Variants in CPA6 observed in about 807,000 individuals in gnomAD.
The protein encoded by CPA6 is carboxypeptidase B.
In CPA6, 58 loss-of-function variants were observed where a neutral mutation model predicts 63.3. The ratio of observed to expected loss-of-function variants is 0.92; its 90% CI spans 0.74 to 1.14. CPA6 has a LOEUF of 1.14. CPA6 is among the 50% of genes most tolerant of loss of function. The probability of loss-of-function intolerance (pLI) is 0.00; values close to 1 mark genes in which losing one functional copy is unlikely to be tolerated. For synonymous variants in CPA6, 185 were observed against 179.0 expected (o/e 1.03, Z -0.27); for missense variants, 565 against 526.6 (o/e 1.07, Z -0.71).
At chr8:67,567,339 C>A (rs1813362386) in intron 2 of CPA6, among the ~76,000 whole-genome samples, 1 of 152,170 alleles carries the variant, frequency 6.6e-6, no homozygotes, top group South Asian at 2.1e-4. Flanking sequence ...CAAAAGCAAT[C>A]AAATGCATTT....
intron 9 of CPA6, among the ~76,000 whole-genome samples, chr8:67,430,354 A>G (rs1208705043): frequency 1.3e-5 from 2 of 151,500 alleles, no homozygotes; most frequent in African/African-American, 4.8e-5. Flanking sequence ...TAATTTTTGT[A>G]TTTTTAGTAG....
rs969160498 is a variant in CPA6 at position 67,649,193 on chromosome 8, G to A, written c.117-24942C>T. 4.6e-5 allele frequency among the ~76,000 whole-genome samples: 7 copies of A among 151,980 alleles called. No homozygotes were observed. In the South Asian group the frequency reaches 6.2e-4, roughly 14 times the overall value. On this transcript the variant is annotated intron_variant, in intron 1 of 10. Transcript: ENST00000297770. ...CATTTTCTCTGCTTAAAAATCCTTG[G>A]CATGTTGACAAAAATGTCTAGAATT... is the stretch of plus-strand genomic sequence containing the variant.
intron 8 of CPA6, among the ~76,000 whole-genome samples, chr8:67,448,650 AAAAAGGAAAGAACG>A: frequency 6.8e-6 from 1 of 148,066 alleles, no homozygotes; most frequent in Non-Finnish European, 1.5e-5. Context: ...AAAAAAAAAA[AAAAAGGAAAGAACG>A]AAAAAGAAAA....
chr8:67,562,864 C>A (rs531646643), intron 2 of CPA6, among the ~76,000 whole-genome samples: 4 of 152,298 alleles, frequency 2.6e-5, no homozygotes, highest in Admixed American at 2.0e-4. Flanking sequence ...AAGCCACCTA[C>A]TCTTTGGTAT....
At chr8:67,424,448 A>G (rs1175405325) in intron 10 of CPA6, among the ~76,000 whole-genome samples, 1 of 152,116 alleles carries the variant, frequency 6.6e-6, no homozygotes, top group Non-Finnish European at 1.5e-5. Flanking sequence ...CGTTGAGCTC[A>G]GAGGAAGAAA....
intron 1 of CPA6, among the ~76,000 whole-genome samples, chr8:67,729,874 A>G (rs916340611): frequency 6.6e-6 from 1 of 152,270 alleles, no homozygotes; most frequent in African/African-American, 2.4e-5. Context: ...AGAAAGTTAC[A>G]GGGCTTAGGA....
chr8:67,585,974 G>C (rs1487109387), intron 2 of CPA6, among the ~76,000 whole-genome samples: 1 of 152,024 alleles, frequency 6.6e-6, no homozygotes, highest in Non-Finnish European at 1.5e-5. Flanking sequence ...CTCATAGTTT[G>C]AGTTTGCTAG....
chr8:67,712,161 A>G (rs1817277407), intron 1 of CPA6, among the ~76,000 whole-genome samples: 1 of 152,142 alleles, frequency 6.6e-6, no homozygotes, highest in African/African-American at 2.4e-5. Flanking sequence ...AAAGCGGGAC[A>G]CAGCATGGAC....
chr8:67,724,565 C>T (rs1276296717), intron 1 of CPA6, among the ~76,000 whole-genome samples: 1 of 152,184 alleles, frequency 6.6e-6, no homozygotes, highest in Non-Finnish European at 1.5e-5. Flanking sequence ...TGAGAAGACA[C>T]CTGTGTAGCA....
At position 67,602,716 on chromosome 8, in the gene CPA6, T is replaced by C. The variant is rs192224466; in HGVS notation, c.192+21460A>G. Among the ~76,000 whole-genome samples, 5 of 151,998 alleles carry C rather than the reference T, an allele frequency of 3.3e-5. No individual in the cohort carries two copies. The East Asian group carries it at 7.7e-4, about 24-fold the overall frequency. On this transcript the variant is annotated intron_variant, in intron 2 of 10. Transcript: ENST00000297770. ...GAACACAACTGCTGAACTTGGAGAG[T>C]TGGAATGAGGTCAGGTTAGCGCCTC...
At chr8:67,594,342 G>C (rs1814229785) in intron 2 of CPA6, among the ~76,000 whole-genome samples, 1 of 151,994 alleles carries the variant, frequency 6.6e-6, no homozygotes, top group African/African-American at 2.4e-5. Context: ...CAACTTTGGT[G>C]AATCTGACAA....
At chr8:67,431,331 C>G (rs943067298) in intron 9 of CPA6, among the ~76,000 whole-genome samples, 1 of 152,034 alleles carries the variant, frequency 6.6e-6, no homozygotes, top group African/African-American at 2.4e-5. Flanking sequence ...ACCTCCACCT[C>G]CCAGGTTCAA....
At chr8:67,543,774 C>CTATTATTATTATTATTATTATTAT (rs56764745) in intron 2 of CPA6, among the ~76,000 whole-genome samples, 15 of 146,850 alleles carry the variant, frequency 1.0e-4, no homozygotes, top group African/African-American at 3.5e-4. Context: ...TCCCCCTCCA[C>CTATTATTATTATTATTATTATTAT]TATTATTATT....
intron 1 of CPA6, among the ~76,000 whole-genome samples, chr8:67,730,224 T>A (rs1817680763): frequency 6.6e-6 from 1 of 152,216 alleles, no homozygotes; most frequent in Non-Finnish European, 1.5e-5. Flanking sequence ...GGGGTTCCCA[T>A]AATCTCCTCC....
chr8:67,591,895 T>C (rs1478977000), intron 2 of CPA6, among the ~76,000 whole-genome samples: 1 of 152,200 alleles, frequency 6.6e-6, no homozygotes, highest in Non-Finnish European at 1.5e-5. Context: ...TCCTGCCTAA[T>C]TGCCCTGGCC....
chr8:67,604,128 A>T (rs1036349888), intron 2 of CPA6, among the ~76,000 whole-genome samples: 1 of 152,218 alleles, frequency 6.6e-6, no homozygotes, highest in Admixed American at 6.5e-5. Context: ...GGGTTATCCT[A>T]ATCAGATTGG....
At chr8:67,482,308 C>T (rs1053839245) in intron 8 of CPA6, among the ~76,000 whole-genome samples, 2 of 152,176 alleles carry the variant, frequency 1.3e-5, no homozygotes, top group African/African-American at 2.4e-5. Context: ...ACAAGCGAAA[C>T]ATCCCTGTGT....
intron 2 of CPA6, among the ~76,000 whole-genome samples, chr8:67,547,195 C>T (rs1343857832): frequency 9.9e-5 from 15 of 151,986 alleles, no homozygotes. Context: ...TACAGGCGCC[C>T]GCCACCACGC....
Position 67,506,776 on chromosome 8 carries a change from G to T in CPA6, c.636+11C>A, listed in dbSNP as rs754030284. On this transcript the variant is annotated intron_variant, in intron 6 of 10. Transcript: ENST00000297770. The stretch of plus-strand genomic sequence containing the variant: ...AGCTGAAATGGACATTGTGTAAAGG[G>T]TTTAACTTACTTCTTTTACAAACCA... 86 of 1,564,000 alleles carry T rather than the reference G, an allele frequency of 5.5e-5. No homozygotes were observed. The highest frequency in any genetic ancestry group is 7.4e-5 in the Non-Finnish European group (84 of 1,134,492).
Sources: allele counts gnomAD v4.1 joint callset (sites outside exome capture counted in the v4.1 genomes callset), GRCh38; gene constraint gnomAD v4.1.1; transcripts MANE v1.5; gene names NCBI Gene and HGNC (gene_info 2026-07-23, HGNC 2026-07-21).